The following TRDN variants were observed in gnomAD, a reference collection of about 807,000 sequenced individuals.
TRDN encodes the protein triadin, also known as triadin in skeletal muscle.
In TRDN, 161 loss-of-function variants were observed where a neutral mutation model predicts 149.7. The observed-to-expected ratio is 1.08, with a 90% CI of 0.95 to 1.23. The LOEUF is 1.23. Ranked by LOEUF, TRDN falls within the 50% of genes most tolerant of loss-of-function variation. The pLI is 0.00. For missense variants in TRDN, 896 were observed against 823.5 expected (o/e 1.09, Z -1.08); for synonymous variants, 294 against 250.5 (o/e 1.17, Z -1.64).
intron 1 of TRDN, among the ~76,000 whole-genome samples, chr6:123,604,021 C>T (rs1535354): frequency 0.78 from 118,762 of 151,508 alleles, 46,778 homozygotes; most frequent in Admixed American, 0.86. Flanking sequence ...CTGGAATAAA[C>T]AGATGAGTTA....
At chr6:123,579,501 G>T (rs756962414) in intron 1 of TRDN, among the ~76,000 whole-genome samples, 2 of 152,154 alleles carry the variant, frequency 1.3e-5, no homozygotes, top group Non-Finnish European at 2.9e-5. Flanking sequence ...CTACTTGATA[G>T]TGATCGATTA....
chr6:123,265,675 C>A (rs1014209235), intron 32 of TRDN, among the ~76,000 whole-genome samples: 2 of 117,678 alleles, frequency 1.7e-5, no homozygotes, highest in African/African-American at 6.8e-5. Context: ...TATATTCTGC[C>A]ACAGTCCTTT....
At chr6:123,430,571 A>G (rs1249512716) in intron 12 of TRDN, among the ~76,000 whole-genome samples, 1 of 151,848 alleles carries the variant, frequency 6.6e-6, no homozygotes, top group African/African-American at 2.4e-5. Flanking sequence ...ACAGAGCAAG[A>G]CTCTGTCTCA....
intron 19 of TRDN, among the ~76,000 whole-genome samples, chr6:123,369,270 G>A (rs1311141470): frequency 2.0e-5 from 3 of 152,110 alleles, no homozygotes; most frequent in African/African-American, 7.2e-5. Context: ...ATCAGATTGA[G>A]GGCCCACCCT....
chr6:123,340,701 A>G (rs1780035410), intron 21 of TRDN, among the ~76,000 whole-genome samples: 1 of 152,026 alleles, frequency 6.6e-6, no homozygotes, highest in Non-Finnish European at 1.5e-5. Context: ...AACATAATGA[A>G]TAATACCAAC....
In TRDN at chr6:123,445,429, T is replaced by C. The variant is rs1204668241; in HGVS notation, c.932-6426A>G. Among the ~76,000 whole-genome samples, 16 of 122,604 alleles carry C rather than the reference T, an allele frequency of 1.3e-4. 2 individuals are homozygous for C. The highest frequency in any genetic ancestry group is 2.0e-4 in the Non-Finnish European group (12 of 61,144). 80.4% of individuals were successfully genotyped at this position (122,604 alleles called of 152,430 possible). A position where few individuals can be genotyped will look rare whatever the true frequency, so the allele number is the denominator to read the frequency against. ...AGAGCTTCTGCACAGCAAAAGAAAC[T>C]ACCATCAGAGTGAACAGGCAACTAC... is the stretch of plus-strand genomic sequence containing the variant. On this transcript the variant is annotated intron_variant, in intron 10 of 40. Transcript: ENST00000334268.
At chr6:123,362,093 C>G (rs1780930541) in intron 20 of TRDN, among the ~76,000 whole-genome samples, 1 of 152,150 alleles carries the variant, frequency 6.6e-6, no homozygotes, top group African/African-American at 2.4e-5. Flanking sequence ...CAATATTCTT[C>G]TGGCAGCCAG....
rs1208049678 is a variant in TRDN, at chr6:123,218,717, C to T, written c.2074G>A (p.Val692Ile). ...QKSPISFFQC[V>I]YLDGYNGYGF... ...TAGCCATTGTACCCATCCAAGTAGACACACTGGAAGAAACTGATGGGACCT... is the reference window on the plus strand; with the variant it reads ...TAGCCATTGTACCCATCCAAGTAGATACACTGGAAGAAACTGATGGGACCT... Residue 692 changes from valine (V) to isoleucine (I), a missense_variant, in exon 41 of 41, where the codon GTC becomes ATC. Transcript: ENST00000334268. 8.2e-6 allele frequency: 13 copies of T among 1,581,776 alleles called. No homozygotes were observed. Among genetic ancestry groups the T allele is most frequent in the Middle Eastern group, 1.7e-4 (1 of 5,996 alleles).
intron 38 of TRDN, among the ~76,000 whole-genome samples, chr6:123,250,845 T>C (rs906911414): frequency 6.6e-6 from 1 of 152,138 alleles, no homozygotes; most frequent in African/African-American, 2.4e-5. Flanking sequence ...CTAAAATATT[T>C]TGGCCTTGAA....
chr6:123,473,270 C>A (rs908651793), intron 9 of TRDN, among the ~76,000 whole-genome samples: 3 of 152,186 alleles, frequency 2.0e-5, no homozygotes, highest in African/African-American at 7.2e-5. Flanking sequence ...GAGCTGAAAA[C>A]CAAGGCTTGA....
At chr6:123,266,665 G>GTATTATATATAATA (rs1562237747) in intron 32 of TRDN, among the ~76,000 whole-genome samples, 51 of 4,134 alleles carry the variant, frequency 0.012, 22 homozygotes, top group Non-Finnish European at 0.017. Flanking sequence ...TGTATAATAT[G>GTATTATATATAATA]TATATATTAT....
At chr6:123,620,701 G>A (rs775689657) in intron 1 of TRDN, among the ~76,000 whole-genome samples, 1 of 152,094 alleles carries the variant, frequency 6.6e-6, no homozygotes, top group Non-Finnish European at 1.5e-5. Flanking sequence ...GAGAGCTTAA[G>A]CTAGCAAACT....
chr6:123,503,960 T>C, intron 7 of TRDN, 59 bp from the exon 8 acceptor site: 1 of 1,484,974 alleles, frequency 6.7e-7, no homozygotes, highest in Non-Finnish European at 8.9e-7. Flanking sequence ...TAATGTTTCA[T>C]CTGTACTATG....
chr6:123,548,012 G>T (rs1781203237), intron 3 of TRDN, among the ~76,000 whole-genome samples: 2 of 151,944 alleles, frequency 1.3e-5, no homozygotes, highest in Admixed American at 6.6e-5. Context: ...TAGTAAGATT[G>T]CTTTCTGCTA....
chr6:123,271,141 G>T lies in TRDN; in HGVS notation c.1718C>A (p.Thr573Lys), dbSNP rs1339935406. Residue 573 changes from threonine (T) to lysine (K), a missense_variant and splice_region_variant, in exon 30 of 41, where the codon ACA becomes AAA. By Grantham distance (78) the Thr-to-Lys change is moderately conservative. Coordinates refer to ENST00000334268, the MANE Select transcript of TRDN (RefSeq NM_006073.4). ...KQVKAVTIEK[T>K]AKPKPTKKAE... ...AAAATATAAAATACCTTATTTACCT[G>T]TTTTTTCTATTGTGACAGCTTTTAC... 2.6e-6 allele frequency: 4 copies of T among 1,529,438 alleles called. No individual in the cohort carries two copies. Among genetic ancestry groups the T allele is most frequent in the Non-Finnish European group, 2.6e-6 (3 of 1,137,392 alleles). The allele number at this position is 1,529,438 out of a possible 1,614,324, so 94.7% of individuals were successfully genotyped here.
chr6:123,219,455 G>T (rs1478387075), intron 40 of TRDN, among the ~76,000 whole-genome samples: 1 of 151,730 alleles, frequency 6.6e-6, no homozygotes, highest in Non-Finnish European at 1.5e-5. Flanking sequence ...CTATCCATTT[G>T]CATTCTGTCA....
At chr6:123,576,433 C>G (rs947678330) in intron 1 of TRDN, among the ~76,000 whole-genome samples, 2 of 151,710 alleles carry the variant, frequency 1.3e-5, no homozygotes, top group African/African-American at 2.4e-5. Context: ...AGTCTGTCTG[C>G]TGAGGTTGAC....
chr6:123,468,469 T>C (rs1212333614), intron 9 of TRDN, among the ~76,000 whole-genome samples: 1 of 152,198 alleles, frequency 6.6e-6, no homozygotes, highest in African/African-American at 2.4e-5. Flanking sequence ...TTCTTTTCCA[T>C]ACAAGTCAAT....
intron 38 of TRDN, among the ~76,000 whole-genome samples, chr6:123,226,149 A>C (rs1262060283): frequency 6.6e-6 from 1 of 151,818 alleles, no homozygotes; most frequent in Non-Finnish European, 1.5e-5. Flanking sequence ...TAATATTTAA[A>C]CATAGGTTTA....
Sources: allele counts gnomAD v4.1 joint callset (sites outside exome capture counted in the v4.1 genomes callset), GRCh38; gene constraint gnomAD v4.1.1; transcripts MANE v1.5; gene names NCBI Gene and HGNC (gene_info 2026-07-23, HGNC 2026-07-21).